The following MEI4 variants were observed in gnomAD, a reference collection of about 807,000 sequenced individuals.
The protein encoded by MEI4 is meiosis-specific protein MEI4.
MEI4 carries 27 observed loss-of-function variants against 31.4 expected under a neutral mutation model. That is an observed-to-expected ratio of 0.86 (90% CI 0.63 to 1.19). The LOEUF (loss-of-function observed/expected upper bound fraction) is 1.19, where lower values mean the gene tolerates loss of function less well. MEI4 is among the 50% of genes most tolerant of loss of function. The pLI is 0.00. For synonymous variants in MEI4, 122 were observed against 145.4 expected (o/e 0.84, Z 1.16); for missense variants, 329 against 398.9 (o/e 0.82, Z 1.49).
chr6:77,915,343 G>A (rs1766520640), intron 4 of MEI4, among the ~76,000 whole-genome samples: 1 of 152,080 alleles, frequency 6.6e-6, no homozygotes, highest in African/African-American at 2.4e-5. Flanking sequence ...TGAGTCTCAT[G>A]AGATTTTGCT....
intron 4 of MEI4, among the ~76,000 whole-genome samples, chr6:77,919,961 T>A (rs1171363530): frequency 3.4e-5 from 5 of 147,852 alleles, no homozygotes; most frequent in South Asian, 2.1e-4. Context: ...AGAAGTTGAA[T>A]CTCTGAATAG....
At chr6:77,712,487 A>G (rs898647816) in intron 2 of MEI4, among the ~76,000 whole-genome samples, 2 of 152,226 alleles carry the variant, frequency 1.3e-5, no homozygotes, top group Non-Finnish European at 2.9e-5. Context: ...TTGGAAATAA[A>G]TAGAAGTGGT....
chr6:77,800,848 G>T (rs1439266031), intron 3 of MEI4, among the ~76,000 whole-genome samples: 1 of 152,168 alleles, frequency 6.6e-6, no homozygotes, highest in African/African-American at 2.4e-5. Flanking sequence ...AAGCCCACTT[G>T]ATCATAGTGG....
intron 4 of MEI4, among the ~76,000 whole-genome samples, chr6:77,866,953 A>G (rs1227659289): frequency 6.6e-6 from 1 of 152,206 alleles, no homozygotes; most frequent in Non-Finnish European, 1.5e-5. Flanking sequence ...GACAACCCTG[A>G]CAAAAACAAG....
rs576166184 is a variant in MEI4, at chr6:77,766,654, C to T, written c.768+4989C>T. On this transcript the variant is annotated intron_variant, in intron 3 of 4. Transcript: ENST00000684080. ...ATCTCGATCTCCTGACCTCGTGATCCGCCCACCTCGGCCTCCCAAAGTGCT... is the reference window on the plus strand; with the variant it reads ...ATCTCGATCTCCTGACCTCGTGATCTGCCCACCTCGGCCTCCCAAAGTGCT... Among the ~76,000 whole-genome samples, 27 of 152,098 alleles carry T rather than the reference C, an allele frequency of 1.8e-4. No individual in the cohort carries two copies. In the East Asian group the frequency reaches 3.1e-3, roughly 18 times the overall value.
intron 4 of MEI4, among the ~76,000 whole-genome samples, chr6:77,915,844 T>G (rs1443238886): frequency 6.6e-6 from 1 of 152,092 alleles, no homozygotes; most frequent in East Asian, 1.9e-4. Flanking sequence ...TTTGTTAAAT[T>G]GCTTTTCTCT....
intron 3 of MEI4, among the ~76,000 whole-genome samples, chr6:77,780,758 G>A (rs934346326): frequency 3.9e-5 from 6 of 152,066 alleles, no homozygotes; most frequent in Non-Finnish European, 8.8e-5. Flanking sequence ...TAAGTAATTC[G>A]AATTCTAATA....
At chr6:77,719,061 C>G (rs1766653183) in intron 2 of MEI4, among the ~76,000 whole-genome samples, 1 of 134,664 alleles carries the variant, frequency 7.4e-6, no homozygotes, top group African/African-American at 2.8e-5. Context: ...TTATGTTTGT[C>G]TAAACTTTCT....
intron 4 of MEI4, among the ~76,000 whole-genome samples, chr6:77,915,814 G>C (rs1766532313): frequency 6.6e-6 from 1 of 151,900 alleles, no homozygotes; most frequent in Non-Finnish European, 1.5e-5. Flanking sequence ...TTTTAGACTT[G>C]AGAAGTTTTC....
intron 4 of MEI4, among the ~76,000 whole-genome samples, chr6:77,919,307 C>T (rs911386645): frequency 6.6e-6 from 1 of 151,968 alleles, no homozygotes; most frequent in Non-Finnish European, 1.5e-5. Context: ...TCTCTCAGAC[C>T]ACAATGCAAT....
chr6:77,708,043 C>T (rs950205734), intron 2 of MEI4, among the ~76,000 whole-genome samples: 1 of 152,208 alleles, frequency 6.6e-6, no homozygotes, highest in South Asian at 2.1e-4. Context: ...AGCTCCCACA[C>T]AAGAGTTCCC....
chr6:77,807,756 A>G (rs910564465), intron 3 of MEI4, among the ~76,000 whole-genome samples: 1 of 152,138 alleles, frequency 6.6e-6, no homozygotes, highest in African/African-American at 2.4e-5. Flanking sequence ...ATCCACAGAC[A>G]TTCTGATTTT....
intron 2 of MEI4, among the ~76,000 whole-genome samples, chr6:77,712,970 C>CAA (rs547600542): frequency 2.0e-5 from 2 of 100,084 alleles, no homozygotes; most frequent in Non-Finnish European, 2.1e-5. Context: ...GACTCCATCT[C>CAA]AAAAAAAAAA....
intron 3 of MEI4, among the ~76,000 whole-genome samples, chr6:77,804,538 A>G (rs929107925): frequency 3.3e-5 from 5 of 152,084 alleles, no homozygotes; most frequent in South Asian, 4.1e-4. Context: ...CCCGTCTTCT[A>G]TTTCGCTCAC....
chr6:77,699,755 T>G (rs1224024469), intron 2 of MEI4, among the ~76,000 whole-genome samples: 1 of 152,192 alleles, frequency 6.6e-6, no homozygotes, highest in East Asian at 1.9e-4. Context: ...AGATGGGTTT[T>G]TGGTGTGGAT....
intron 2 of MEI4, among the ~76,000 whole-genome samples, chr6:77,749,861 GC>G (rs1767722029): frequency 6.6e-6 from 1 of 152,176 alleles, no homozygotes; most frequent in Admixed American, 6.5e-5. Context: ...GTTAAGGGCA[GC>G]CTGAGAGATA....
rs116133961 is a variant in MEI4, at chr6:77,903,921, C to T, written c.901-19168C>T. 9.4e-3 allele frequency among the ~76,000 whole-genome samples: 1,429 copies of T among 152,158 alleles called. 17 individuals are homozygous for T. Among genetic ancestry groups the T allele is most frequent in the African/African-American group, 0.032 (1,328 of 41,518 alleles). On this transcript the variant is annotated intron_variant, in intron 4 of 4. Transcript: ENST00000684080. The stretch of plus-strand genomic sequence containing the variant: ...TTTGGAATATCTATTTCTATCCCTC[C>T]ACTTTCAGTGTATTTGTGTACTTAA...
intron 3 of MEI4, among the ~76,000 whole-genome samples, chr6:77,806,375 C>T (rs1017931001): frequency 6.6e-6 from 1 of 151,996 alleles, no homozygotes; most frequent in Non-Finnish European, 1.5e-5. Flanking sequence ...TTGATAAACC[C>T]TTTGGTTACA....
At chr6:77,914,256 T>A (rs181452877) in intron 4 of MEI4, among the ~76,000 whole-genome samples, 1 of 152,148 alleles carries the variant, frequency 6.6e-6, no homozygotes, top group Non-Finnish European at 1.5e-5. Context: ...CTTTCAGTAC[T>A]GCTTTTGCTA....
Sources: gnomAD v4.1 joint callset for allele counts (sites outside exome capture counted in the v4.1 genomes callset) on GRCh38, gnomAD v4.1.1 for gene constraint, MANE v1.5 for transcripts, NCBI Gene and HGNC (gene_info 2026-07-23, HGNC 2026-07-21) for gene names.